Variants in TMEM218 observed in about 807,000 individuals in gnomAD.
TMEM218 encodes the protein transmembrane protein 218.
Under a neutral mutation model 10.0 loss-of-function variants are expected in TMEM218, and 8 were observed. The observed-to-expected ratio is 0.80, with a 90% CI of 0.47 to 1.44. The LOEUF is 1.44. Among genes scored for constraint, TMEM218 ranks in the 40% most tolerant of loss-of-function variants. The pLI is 0.00. For missense variants in TMEM218, 110 were observed against 140.1 expected (o/e 0.79, Z 1.08); for synonymous variants, 66 against 63.5 (o/e 1.04, Z -0.18).
intron 3 of TMEM218, chr11:125,101,843 G>A (rs1296724091): frequency 2.0e-6 from 1 of 490,860 alleles, no homozygotes; most frequent in Non-Finnish European, 3.5e-6. Flanking sequence ...CCATAAATCT[G>A]AACAATTCAT....
Position 125,097,801 on chromosome 11 carries a change from C to T in TMEM218, c.214-61G>A, listed in dbSNP as rs1429354463. 3 of 1,544,798 alleles carry T rather than the reference C, an allele frequency of 1.9e-6. No homozygotes were observed. The East Asian group carries it at 6.9e-5, about 36-fold the overall frequency. ...AGTTAGACACCCTGGCTGGGTTAAC[C>T]TGAACTCCATGATGAGTGGGCCAAG... On this transcript the variant is annotated intron_variant, in intron 4 of 4. Coordinates refer to ENST00000682305, the MANE Select transcript of TMEM218 (RefSeq NM_001258244.2).
At position 125,097,814 on chromosome 11, in the gene TMEM218, T is replaced by C. The variant is rs1465531516; in HGVS notation, c.214-74A>G. The C allele has an allele frequency of 2.1e-6, 3 of 1,453,390 alleles. No homozygotes were observed. In the South Asian group the frequency reaches 3.8e-5, roughly 18 times the overall value. The allele number at this position is 1,453,390 out of a possible 1,614,324, so 90.0% of individuals were successfully genotyped here. On this transcript the variant is annotated intron_variant, in intron 4 of 4. Coordinates refer to ENST00000682305, the MANE Select transcript of TMEM218 (RefSeq NM_001258244.2). ...GGCTGGGTTAACCTGAACTCCATGA[T>C]GAGTGGGCCAAGAGTTAGTTCATGT... is the stretch of plus-strand genomic sequence containing the variant.
chr11:125,096,743 C>G lies in TMEM218; in HGVS notation c.*863G>C, dbSNP rs1949694945. ...CCATTTAATGCAAATTTCATTTGGTCTGGGAGATCAGACAGGTATAGAGTT... is the reference window on the plus strand; with the variant it reads ...CCATTTAATGCAAATTTCATTTGGTGTGGGAGATCAGACAGGTATAGAGTT... On this transcript the variant is annotated 3_prime_UTR_variant, in exon 5 of 5. Coordinates refer to ENST00000682305, the MANE Select transcript of TMEM218 (RefSeq NM_001258244.2). 2 of 152,168 alleles carry G rather than the reference C, an allele frequency of 1.3e-5. No individual in the cohort carries two copies. Among genetic ancestry groups the G allele is most frequent in the Middle Eastern group, 3.4e-3 (1 of 294 alleles). 9.4% of individuals were successfully genotyped at this position (152,168 alleles called of 1,614,324 possible). A position where few individuals can be genotyped will look rare whatever the true frequency, so the allele number is the denominator to read the frequency against.
chr11:125,102,196 C>T lies in TMEM218; in HGVS notation c.46G>A (p.Ala16Thr). The T allele has an allele frequency of 1.9e-6, 3 of 1,612,780 alleles. No individual in the cohort carries two copies. Among genetic ancestry groups the T allele is most frequent in the Non-Finnish European group, 2.5e-6 (3 of 1,179,554 alleles). ...LGVGAGVFIL[A>T]LLWVAVLLLC... The stretch of plus-strand genomic sequence containing the variant: ...AGCAGCACTGCCACCCAGAGCAGGG[C>T]TAAGATGAACACGCCCGCACCGACT... Residue 16 changes from alanine to threonine, a missense_variant, in exon 3 of 5, where the codon GCC (alanine) becomes ACC (threonine). Transcript: ENST00000682305.
At chr11:125,110,254 G>C (rs371588917) in intron 1 of TMEM218, among the ~76,000 whole-genome samples, 1 of 152,158 alleles carries the variant, frequency 6.6e-6, no homozygotes, top group African/African-American at 2.4e-5. Context: ...AGAAGTGATG[G>C]CTTGGCCAAC....
At chr11:125,104,769 C>T (rs944634979) in intron 1 of TMEM218, 2 of 152,192 alleles carry the variant, frequency 1.3e-5, no homozygotes, top group South Asian at 2.1e-4. Flanking sequence ...ACTGTAACCT[C>T]TGGTCAATAT....
chr11:125,101,342 T>G (rs764217473), intron 3 of TMEM218, 39 bp from the exon 4 acceptor site: 3 of 1,588,080 alleles, frequency 1.9e-6, no homozygotes, highest in East Asian at 2.3e-5. Context: ...GCACTGTCTA[T>G]AATTTCTTCT....
intron 1 of TMEM218, chr11:125,104,535 A>G (rs902987647): frequency 6.6e-6 from 1 of 152,150 alleles, no homozygotes; most frequent in Non-Finnish European, 1.5e-5. Flanking sequence ...ACTAGTTAAT[A>G]TTTTCATTTA....
At position 125,101,184 on chromosome 11, in the gene TMEM218, G is replaced by A. The variant is rs1304823864; in HGVS notation, c.213+17C>T. ...AGAATCACAGCTCAGGAGGCAAAAC[G>A]AAAGCAACAGCTTTACCTTAACTTC... On this transcript the variant is annotated intron_variant, in intron 4 of 4. Coordinates refer to ENST00000682305, the MANE Select transcript of TMEM218 (RefSeq NM_001258244.2). 12 of 1,609,158 alleles carry A rather than the reference G, an allele frequency of 7.5e-6. No individual in the cohort carries two copies. Among genetic ancestry groups the A allele is most frequent in the Middle Eastern group, 3.3e-4 (2 of 6,078 alleles).
chr11:125,101,617 T>C (rs2135757380), intron 3 of TMEM218: 1 of 779,030 alleles, frequency 1.3e-6, no homozygotes, highest in Non-Finnish European at 2.0e-6. Context: ...ACTTCTGTTG[T>C]TTTTAGAACA....
chr11:125,108,531 G>A lies in TMEM218; in HGVS notation c.-153+3008C>T, dbSNP rs1269211558. 2.0e-5 allele frequency among the ~76,000 whole-genome samples: 3 copies of A among 152,154 alleles called. No individual in the cohort carries two copies. The highest frequency in any genetic ancestry group is 4.4e-5 in the Non-Finnish European group (3 of 68,012). On this transcript the variant is annotated intron_variant, in intron 1 of 4. Coordinates refer to ENST00000682305, the MANE Select transcript of TMEM218 (RefSeq NM_001258244.2). This position sits in a 1 kb window ranked among gnomAD's most constrained non-coding sequence, Gnocchi z 5.3. ...TTGCACCTAAACTTAGAATCACCAT[G>A]AATGCAAAAGCTTCAAATGCAGACT...
intron 4 of TMEM218, 131 bp from the exon 5 acceptor site, chr11:125,097,871 C>A: frequency 7.6e-6 from 6 of 789,578 alleles, no homozygotes; most frequent in Non-Finnish European, 1.2e-5. Context: ...TGCCCTGAGT[C>A]TCCTCTGTAC....
At chr11:125,105,883 C>A (rs550505140) in intron 1 of TMEM218, among the ~76,000 whole-genome samples, 1 of 151,784 alleles carries the variant, frequency 6.6e-6, no homozygotes, top group Non-Finnish European at 1.5e-5. Context: ...AAAAATAAAC[C>A]CAAATACAAC....
At chr11:125,109,562 T>C (rs1412282677) in intron 1 of TMEM218, among the ~76,000 whole-genome samples, 2 of 152,216 alleles carry the variant, frequency 1.3e-5, no homozygotes, top group Non-Finnish European at 1.5e-5. Flanking sequence ...TGTTTTTAAA[T>C]TTTTCGTGAT....
At chr11:125,106,783 A>T (rs890031631) in intron 1 of TMEM218, among the ~76,000 whole-genome samples, 1 of 152,216 alleles carries the variant, frequency 6.6e-6, no homozygotes, top group Non-Finnish European at 1.5e-5. Flanking sequence ...GGCAGTATCT[A>T]ATAAAGCTAA....
intron 1 of TMEM218, among the ~76,000 whole-genome samples, 168 bp downstream of exon 1, chr11:125,111,371 C>T (rs1953966631): frequency 6.6e-6 from 1 of 152,196 alleles, no homozygotes; most frequent in Admixed American, 6.5e-5. Context: ...AACAGTCCTT[C>T]CTTCTCTGCC....
rs1039811346 is a variant in TMEM218 at position 125,094,647 on chromosome 11, AG to A, written c.*2958del. ...TGTTTCTCATCTGTAAAATAATCAC[AG>A]CAGGTTTCTTTACACATTGAGCAAA... On this transcript the variant is annotated 3_prime_UTR_variant, in exon 5 of 5. Transcript: ENST00000682305. Among the ~76,000 whole-genome samples the A allele has an allele frequency of 1.4e-3, 50 of 35,710 alleles. No individual in the cohort carries two copies. Among genetic ancestry groups the A allele is most frequent in the African/African-American group, 0.011 (48 of 4,452 alleles). The allele number at this position is 35,710 out of a possible 152,430, so 23.4% of individuals were successfully genotyped here.
At chr11:125,109,428 T>C (rs1953134348) in intron 1 of TMEM218, among the ~76,000 whole-genome samples, 1 of 152,206 alleles carries the variant, frequency 6.6e-6, no homozygotes, top group Admixed American at 6.5e-5. Context: ...AAAAGGGATC[T>C]GAACTAAATC....
At chr11:125,101,171 C>T (rs1950682107) in intron 4 of TMEM218, 30 bp downstream of exon 4, 1 of 1,583,658 alleles carries the variant, frequency 6.3e-7, no homozygotes, top group Admixed American at 1.7e-5. Context: ...AATCACAGCT[C>T]AGGAGGCAAA....
Sources: allele counts gnomAD v4.1 joint callset (sites outside exome capture counted in the v4.1 genomes callset), GRCh38; gene constraint gnomAD v4.1.1; non-coding constraint Gnocchi (gnomAD v3.1); transcripts MANE v1.5; gene names NCBI Gene and HGNC (gene_info 2026-07-23, HGNC 2026-07-21).